Variants in AR observed in about 807,000 individuals in gnomAD.
AR encodes the protein androgen receptor.
AR carries 8 observed loss-of-function variants against 53.9 expected under a neutral mutation model. The observed-to-expected ratio is 0.15, with a 90% CI of 0.09 to 0.27. AR has a LOEUF of 0.27. Ranked by LOEUF, AR falls within the 10% of genes least tolerant of loss-of-function variation. The pLI is 1.00. For synonymous variants in AR, 359 were observed against 316.4 expected (o/e 1.13, Z -1.43); for missense variants, 639 against 742.5 (o/e 0.86, Z 1.62).
rs140043177 is a variant in AR, at chrX:67,647,173, T to C, written c.1768+3766T>C. On this transcript the variant is annotated intron_variant, in intron 2 of 7. Transcript: ENST00000374690. ...CTAGTAAAACATTGAAGATTATATG[T>C]CCATTTGTTTTGTACACATGGAGTG... Among the ~76,000 whole-genome samples the C allele has an allele frequency of 7.4e-4, 83 of 112,345 alleles. No individual in the cohort carries two copies. In the East Asian group the frequency reaches 0.02, roughly 27 times the overall value.
chrX:67,703,151 G>C (rs1028346756), intron 3 of AR, among the ~76,000 whole-genome samples: 1 of 111,813 alleles, frequency 8.9e-6, no homozygotes, highest in African/African-American at 3.2e-5. Flanking sequence ...ACACAGATGA[G>C]AGCAGGTTTT....
chrX:67,714,637 C>G (rs1237499283), intron 4 of AR, among the ~76,000 whole-genome samples: 1 of 112,071 alleles, frequency 8.9e-6, no homozygotes, highest in Non-Finnish European at 1.9e-5. Context: ...AAAACAGAGT[C>G]TCAAAGAAAC....
chrX:67,626,591 C>G (rs1226965813), intron 1 of AR, among the ~76,000 whole-genome samples: 1 of 92,787 alleles, frequency 1.1e-5, no homozygotes, highest in African/African-American at 3.9e-5. Flanking sequence ...CAGGCACCCG[C>G]CACCATGCCC....
chrX:67,677,828 C>T (rs948900837), intron 2 of AR, among the ~76,000 whole-genome samples: 4 of 110,988 alleles, frequency 3.6e-5, no homozygotes, highest in Non-Finnish European at 7.5e-5. Flanking sequence ...ATTAGATGAT[C>T]TCCATAGAGG....
chrX:67,613,392 TGCCTAA>T (rs1419595116), intron 1 of AR, among the ~76,000 whole-genome samples: 1 of 111,626 alleles, frequency 9.0e-6, no homozygotes, highest in Non-Finnish European at 1.9e-5. Flanking sequence ...AAGAAGTTCA[TGCCTAA>T]GGGCACTGTC....
rs186724782 is a variant in AR, at chrX:67,662,028, G to A, written c.1768+18621G>A. ...TGGTAGTTTGTACTTCTGTGGGATC[G>A]GTGATTATATCCCCTTTATCATTTT... On this transcript the variant is annotated intron_variant, in intron 2 of 7. Transcript: ENST00000374690. Among the ~76,000 whole-genome samples, 382 of 111,326 alleles carry A rather than the reference G, an allele frequency of 3.4e-3. 2 individuals are homozygous for A. The highest frequency in any genetic ancestry group is 0.012 in the African/African-American group (356 of 30,640).
chrX:67,551,197 G>T (rs989844148), intron 1 of AR, among the ~76,000 whole-genome samples: 48 of 109,320 alleles, frequency 4.4e-4, no homozygotes, highest in Non-Finnish European at 1.5e-4. Context: ...CTGAGAGACA[G>T]CTCTGAGACA....
At chrX:67,668,305 C>G (rs977230102) in intron 2 of AR, among the ~76,000 whole-genome samples, 2 of 111,948 alleles carry the variant, frequency 1.8e-5, no homozygotes, top group Admixed American at 1.9e-4. Context: ...GCTTTTCATG[C>G]AACAATTGAA....
intron 5 of AR, among the ~76,000 whole-genome samples, chrX:67,721,012 T>G (rs2076133477): frequency 1.8e-5 from 2 of 111,640 alleles, no homozygotes; most frequent in South Asian, 7.6e-4. Flanking sequence ...AGGTTGCTCT[T>G]CCTTGAAAAG....
In AR at chrX:67,686,071, A is replaced by C; in HGVS notation, c.1830A>C (p.Lys610Asn). ...GCACTATTGATAAATTCCGAAGGAAAAATTGTCCATCTTGTCGTCTTCGGA... is the reference window on the plus strand; with the variant it reads ...GCACTATTGATAAATTCCGAAGGAACAATTGTCCATCTTGTCGTCTTCGGA... The part of the protein sequence containing the change: ...NDCTIDKFRR[K>N]NCPSCRLRKC... The change falls in exon 3 of 8, where the codon AAA (lysine) becomes AAC (asparagine). Residue 610 changes from lysine (K) to asparagine (N), a missense_variant. Physicochemically the swap from Lys to Asn is moderately conservative, Grantham distance 94. Around this residue, in one of 5 missense-constraint regions of AR, gnomAD observed 19 missense variants for 48.3 expected, o/e 0.39. Transcript: ENST00000374690. 8.3e-7 allele frequency: 1 copy of C among 1,211,352 alleles called. No homozygotes were observed. Among genetic ancestry groups the C allele is most frequent in the Non-Finnish European group, 1.1e-6 (1 of 895,125 alleles).
chrX:67,628,438 TG>T (rs1468021088), intron 1 of AR, among the ~76,000 whole-genome samples: 1 of 104,826 alleles, frequency 9.5e-6, no homozygotes, highest in African/African-American at 3.5e-5. Context: ...GCTCTCTGTT[TG>T]TCTGTTATTG....
chrX:67,663,140 G>A lies in AR; in HGVS notation c.1768+19733G>A, dbSNP rs745515373. 6.3e-5 allele frequency among the ~76,000 whole-genome samples: 7 copies of A among 111,467 alleles called. No individual in the cohort carries two copies. The Admixed American group carries it at 6.7e-4, about 11-fold the overall frequency. On this transcript the variant is annotated intron_variant, in intron 2 of 7. Coordinates refer to ENST00000374690, the MANE Select transcript of AR (RefSeq NM_000044.6). Reference sequence around the variant, plus strand: ...CCCATTTACATTTAAGGTTAATATTGTTATGTGTGAATTTGATCCTGTCAT... The same window carrying A: ...CCCATTTACATTTAAGGTTAATATTATTATGTGTGAATTTGATCCTGTCAT...
intron 1 of AR, among the ~76,000 whole-genome samples, chrX:67,594,316 T>C (rs1922981321): frequency 8.9e-6 from 1 of 112,098 alleles, no homozygotes; most frequent in African/African-American, 3.2e-5. Flanking sequence ...TTGTCAAGCT[T>C]TGGAAAGAAA....
chrX:67,688,077 G>A (rs1035383077), intron 3 of AR, among the ~76,000 whole-genome samples: 1 of 111,887 alleles, frequency 8.9e-6, no homozygotes. Context: ...AAATTTGAGT[G>A]GGCTTGGTGA....
At chrX:67,621,678 G>A (rs1334695294) in intron 1 of AR, among the ~76,000 whole-genome samples, 1 of 111,285 alleles carries the variant, frequency 9.0e-6, no homozygotes, top group East Asian at 2.8e-4. Flanking sequence ...TTCTTTCAAA[G>A]GACATGAACC....
chrX:67,695,459 C>T lies in AR; in HGVS notation c.1885+9333C>T. On this transcript the variant is annotated intron_variant, in intron 3 of 7. Coordinates refer to ENST00000374690, the MANE Select transcript of AR (RefSeq NM_000044.6). ...ATCTAGCCTTACTGTAGCCACACTC[C>T]TTGATTGCTCTCTCACATCACATGC... 8 of 754,196 alleles carry T rather than the reference C, an allele frequency of 1.1e-5. No homozygotes were observed. The South Asian group carries it at 2.7e-4, about 25-fold the overall frequency. The allele number at this position is 754,196 out of a possible 1,213,427, so 62.2% of individuals were successfully genotyped here.
At chrX:67,637,611 T>C (rs1358980219) in intron 1 of AR, among the ~76,000 whole-genome samples, 4 of 109,123 alleles carry the variant, frequency 3.7e-5, no homozygotes, top group Non-Finnish European at 7.6e-5. Context: ...AAGTCTTTGC[T>C]ATTGTGAATA....
At chrX:67,655,522 CA>C (rs759761279) in intron 2 of AR, among the ~76,000 whole-genome samples, 2 of 109,651 alleles carry the variant, frequency 1.8e-5, no homozygotes, top group Admixed American at 9.8e-5. Flanking sequence ...ATATAGGAAA[CA>C]AAAAAAAGGG....
chrX:67,658,617 G>A (rs1016613389), intron 2 of AR, among the ~76,000 whole-genome samples: 4 of 111,313 alleles, frequency 3.6e-5, no homozygotes, highest in Non-Finnish European at 5.7e-5. Context: ...ACACCACCAC[G>A]CCCAGTGAGA....
Sources: gnomAD v4.1 joint callset for allele counts (sites outside exome capture counted in the v4.1 genomes callset) on GRCh38, gnomAD v4.1.1 for gene constraint, gnomAD v4.1.1 regional missense constraint, MANE v1.5 for transcripts, NCBI Gene and HGNC (gene_info 2026-07-23, HGNC 2026-07-21) for gene names.